Variants in MAP1LC3B observed in about 807,000 individuals in gnomAD.
MAP1LC3B encodes microtubule associated protein 1 light chain 3 beta.
In MAP1LC3B, 12 loss-of-function variants were observed where a neutral mutation model predicts 16.7. That is an observed-to-expected ratio of 0.72 (90% CI 0.46 to 1.16). The LOEUF is 1.16. Ranked by LOEUF, MAP1LC3B falls within the 50% of genes most tolerant of loss-of-function variation. The pLI is 0.00. For missense variants in MAP1LC3B, 155 were observed against 159.5 expected, an observed-to-expected ratio of 0.97 and a Z score of 0.15; for synonymous variants, 63 against 56.5, an observed-to-expected ratio of 1.11 and a Z score of -0.51.
At chr16:87,395,212 G>T (rs1597388569) in intron 1 of MAP1LC3B, among the ~76,000 whole-genome samples, 1 of 152,234 alleles carries the variant, frequency 6.6e-6, no homozygotes, top group African/African-American at 2.4e-5. Context: ...TTTAATGTTT[G>T]TAAAGGCTCT....
intron 1 of MAP1LC3B, 76 bp from the exon 2 acceptor site, chr16:87,398,739 A>G: frequency 7.6e-7 from 1 of 1,316,326 alleles, no homozygotes; most frequent in Non-Finnish European, 1.1e-6. Flanking sequence ...CTGAACTTGG[A>G]TGGAGAACCA....
At position 87,398,304 on chromosome 16, in the gene MAP1LC3B, A is replaced by T. The variant is rs113027977; in HGVS notation, c.41-511A>T. On this transcript the variant is annotated intron_variant, in intron 1 of 3. Coordinates refer to ENST00000268607, the MANE Select transcript of MAP1LC3B (RefSeq NM_022818.5). ...CAGCCTCCCAAGGTGCTGGGATTAC[A>T]GGCATCATATTCCATTCTCTTGAGC... 7.8e-3 allele frequency among the ~76,000 whole-genome samples: 1,191 copies of T among 152,336 alleles called. 16 individuals carry two copies. The highest frequency in any genetic ancestry group is 0.027 in the African/African-American group (1,103 of 41,570).
At chr16:87,400,270 C>CG (rs1317983718) in intron 2 of MAP1LC3B, 2 of 151,318 alleles carry the variant, frequency 1.3e-5, no homozygotes, top group Admixed American at 1.3e-4. Context: ...CTCCACCTCC[C>CG]GGGTTCACGC....
chr16:87,396,333 G>T (rs1907801753), intron 1 of MAP1LC3B, among the ~76,000 whole-genome samples: 1 of 151,836 alleles, frequency 6.6e-6, no homozygotes, highest in Admixed American at 6.6e-5. Flanking sequence ...AAATTAGCCG[G>T]GCGTGGTGGC....
Position 87,394,634 on chromosome 16 carries a change from G to T in MAP1LC3B, c.40+2167G>T, listed in dbSNP as rs533025978. On this transcript the variant is annotated intron_variant, in intron 1 of 3. Transcript: ENST00000268607. ...ATGGTCCACCTAGTGGCAGAGTCTG[G>T]ACTGGTACCTTTAACCTGGCATGAA... 5.9e-5 allele frequency among the ~76,000 whole-genome samples: 9 copies of T among 152,328 alleles called. No homozygotes were observed. In the South Asian group the frequency reaches 1.9e-3, roughly 32 times the overall value.
chr16:87,399,859 C>T (rs1034581039), intron 2 of MAP1LC3B, among the ~76,000 whole-genome samples: 4 of 151,880 alleles, frequency 2.6e-5, no homozygotes, highest in Admixed American at 6.6e-5. Flanking sequence ...CTGCAACCTC[C>T]GCCTCCCAGG....
chr16:87,392,729 C>A, intron 1 of MAP1LC3B: 1 of 168,880 alleles, frequency 5.9e-6, no homozygotes, highest in East Asian at 1.8e-4. Context: ...AGGCAGCCGG[C>A]GGAGGGCGGG....
chr16:87,392,527 G>C, intron 1 of MAP1LC3B, 60 bp downstream of exon 1: 1 of 1,247,508 alleles, frequency 8.0e-7, no homozygotes, highest in Admixed American at 4.4e-5. Context: ...TGTGGAGGGC[G>C]GCAGGGCCTG....
intron 2 of MAP1LC3B, among the ~76,000 whole-genome samples, 176 bp from the exon 3 acceptor site, chr16:87,401,999 A>AT (rs951625012): frequency 3.3e-5 from 5 of 151,070 alleles, no homozygotes; most frequent in Middle Eastern, 3.5e-3. Context: ...TGCCCGGCTA[A>AT]TTTTTTTTTG....
intron 2 of MAP1LC3B, among the ~76,000 whole-genome samples, chr16:87,401,749 C>T (rs1241219608): frequency 4.6e-5 from 7 of 151,862 alleles, no homozygotes; most frequent in Middle Eastern, 3.2e-3. Flanking sequence ...AGGCTGGTCT[C>T]GAACTCCTGA....
intron 1 of MAP1LC3B, among the ~76,000 whole-genome samples, chr16:87,397,393 C>T (rs1260189582): frequency 2.6e-5 from 4 of 151,896 alleles, no homozygotes; most frequent in African/African-American, 4.8e-5. Context: ...CTGAGGTGGG[C>T]GGATCACGAG....
intron 2 of MAP1LC3B, 50 bp from the exon 3 acceptor site, chr16:87,402,125 G>A (rs1435227449): frequency 1.6e-5 from 25 of 1,601,630 alleles, no homozygotes; most frequent in Non-Finnish European, 2.0e-5. Context: ...GTGAGCCACC[G>A]CGCCTGGCCC....
intron 2 of MAP1LC3B, among the ~76,000 whole-genome samples, chr16:87,401,794 T>C (rs901060969): frequency 2.0e-5 from 3 of 151,850 alleles, no homozygotes; most frequent in African/African-American, 7.3e-5. Flanking sequence ...CCTCCCAAAG[T>C]GCTGGGATTA....
chr16:87,394,327 A>G lies in MAP1LC3B; in HGVS notation c.40+1860A>G, dbSNP rs190788265. ...CATGAATATTTTGGTAATGTTGATC[A>G]TGAGTACTGACAGTTTTCAGACATG... On this transcript the variant is annotated intron_variant, in intron 1 of 3. Coordinates refer to ENST00000268607, the MANE Select transcript of MAP1LC3B (RefSeq NM_022818.5). Among the ~76,000 whole-genome samples, 358 of 152,278 alleles carry G rather than the reference A, an allele frequency of 2.4e-3. 1 individual carries two copies. The highest frequency in any genetic ancestry group is 8.2e-3 in the African/African-American group (342 of 41,568).
rs756530738 is a variant in MAP1LC3B, at chr16:87,392,457, C to T, written c.30C>T (p.Arg10=). The T allele has an allele frequency of 2.2e-6, 3 of 1,370,534 alleles. No homozygotes were observed. Among genetic ancestry groups the T allele is most frequent in the African/African-American group, 1.5e-5 (1 of 65,590 alleles). 84.9% of individuals were successfully genotyped at this position (1,370,534 alleles called of 1,614,324 possible). A position where few individuals can be genotyped will look rare whatever the true frequency, so the allele number is the denominator to read the frequency against. Residue 10 remains arginine, a synonymous_variant, in exon 1 of 4, where the codon CGC becomes CGT. Coordinates refer to ENST00000268607, the MANE Select transcript of MAP1LC3B (RefSeq NM_022818.5). MPSEKTFKQ[R]RTFEQRVEDV... is the part of the protein sequence containing the mutation. The stretch of plus-strand genomic sequence containing the variant: ...CGTCGGAGAAGACCTTCAAGCAGCG[C>T]CGCACCTTCGGTGAGTGTCGCCGCG...
At chr16:87,398,665 G>A in intron 1 of MAP1LC3B, 150 bp from the exon 2 acceptor site, 1 of 687,402 alleles carries the variant, frequency 1.5e-6, no homozygotes, top group Middle Eastern at 2.7e-4. Context: ...TGAAGTGTTC[G>A]TGTTTTGTTT....
chr16:87,402,856 T>A lies in MAP1LC3B; in HGVS notation c.204-67T>A, dbSNP rs1326564566. 3.2e-6 allele frequency: 5 copies of A among 1,585,628 alleles called. No homozygotes were observed. In the African/African-American group the frequency reaches 6.7e-5, roughly 21 times the overall value. On this transcript the variant is annotated intron_variant, in intron 3 of 3. Coordinates refer to ENST00000268607, the MANE Select transcript of MAP1LC3B (RefSeq NM_022818.5). Reference sequence around the variant, plus strand: ...ATTTTACCGATCAGAGTGGGTGATATTTTAACACATGCTTCATCCTTCTTG... The same window carrying A: ...ATTTTACCGATCAGAGTGGGTGATAATTTAACACATGCTTCATCCTTCTTG...
intron 1 of MAP1LC3B, among the ~76,000 whole-genome samples, chr16:87,396,470 A>G (rs893453079): frequency 6.0e-5 from 9 of 150,844 alleles, no homozygotes; most frequent in Non-Finnish European, 1.2e-4. Context: ...GCAAGACTCC[A>G]TCTCAAAAAA....
At chr16:87,399,492 G>C (rs540052820) in intron 2 of MAP1LC3B, 1 of 396,514 alleles carries the variant, frequency 2.5e-6, no homozygotes, top group Non-Finnish European at 5.0e-6. Context: ...AGAACCCTAT[G>C]TAGGTCTCAC....
Sources: allele counts gnomAD v4.1 joint callset (sites outside exome capture counted in the v4.1 genomes callset), GRCh38; gene constraint gnomAD v4.1.1; transcripts MANE v1.5; gene names NCBI Gene and HGNC (gene_info 2026-07-23, HGNC 2026-07-21).